KALRN: variants seen among roughly 807,000 people sequenced by gnomAD.
KALRN encodes the protein kalirin RhoGEF kinase.
A neutral mutation model predicts 353.7 loss-of-function variants in KALRN; 70 were observed. That is an observed-to-expected ratio of 0.20 (90% CI 0.16 to 0.24). KALRN has a LOEUF of 0.24. Ranked by LOEUF, KALRN falls within the 10% of genes least tolerant of loss-of-function variation. The pLI, the probability that KALRN is intolerant of heterozygous loss-of-function variation, is 1.00. For synonymous variants in KALRN, 1,391 were observed against 1,434.8 expected (o/e 0.97, Z 0.69); for missense variants, 2,791 against 3,756.7 (o/e 0.74, Z 6.72).
chr3:124,112,307 A>AG, intron 1 of KALRN, among the ~76,000 whole-genome samples: 1 of 150,686 alleles, frequency 6.6e-6, no homozygotes, highest in Middle Eastern at 3.4e-3. Context: ...CATCTCACAA[A>AG]AAAAAAAAAA....
chr3:124,319,970 G>C (rs1560553528), intron 6 of KALRN, among the ~76,000 whole-genome samples: 1 of 151,124 alleles, frequency 6.6e-6, no homozygotes, highest in African/African-American at 2.4e-5. Flanking sequence ...CTCCAGCCTG[G>C]GCAACAGAGT....
chr3:124,674,341 CT>C (rs1292515361), intron 48 of KALRN, 22 bp from the exon 49 acceptor site: 1 of 1,603,376 alleles, frequency 6.2e-7, no homozygotes, highest in Non-Finnish European at 8.5e-7. Flanking sequence ...GTTTGTGCCC[CT>C]CTCACCCTTA....
intron 17 of KALRN, among the ~76,000 whole-genome samples, chr3:124,435,320 A>G (rs1244669951): frequency 3.3e-5 from 5 of 152,212 alleles, no homozygotes; most frequent in Non-Finnish European, 7.3e-5. Flanking sequence ...TTAGGGAACT[A>G]GAAACACACC....
chr3:124,206,615 T>A (rs1204736290), intron 1 of KALRN, among the ~76,000 whole-genome samples: 1 of 152,200 alleles, frequency 6.6e-6, no homozygotes, highest in Non-Finnish European at 1.5e-5. Context: ...TGGGTAGTGT[T>A]GCATGTTGAG....
intron 16 of KALRN, among the ~76,000 whole-genome samples, chr3:124,433,754 G>T (rs959018996): frequency 6.6e-6 from 1 of 152,142 alleles, no homozygotes; most frequent in Non-Finnish European, 1.5e-5. Context: ...GATGTAGGAG[G>T]TTACTCTCTA....
chr3:124,311,160 G>A (rs1219356963), intron 6 of KALRN, among the ~76,000 whole-genome samples: 1 of 137,560 alleles, frequency 7.3e-6, no homozygotes, highest in African/African-American at 2.7e-5. Context: ...CACTAGATTG[G>A]CTATAATCAA....
At chr3:124,265,988 G>A (rs1406288198) in intron 4 of KALRN, among the ~76,000 whole-genome samples, 1 of 152,070 alleles carries the variant, frequency 6.6e-6, no homozygotes, top group East Asian at 1.9e-4. Flanking sequence ...GGTGGCGTGT[G>A]CCTGTAATCC....
intron 3 of KALRN, among the ~76,000 whole-genome samples, chr3:124,235,911 A>T (rs2079698108): frequency 6.6e-6 from 1 of 152,218 alleles, no homozygotes; most frequent in Admixed American, 6.5e-5. Flanking sequence ...AAGACCTGGG[A>T]TAATTTTTGA....
At chr3:124,127,323 C>T (rs2064802781) in intron 1 of KALRN, among the ~76,000 whole-genome samples, 1 of 152,154 alleles carries the variant, frequency 6.6e-6, no homozygotes, top group Non-Finnish European at 1.5e-5. Flanking sequence ...ATCTCTGGAC[C>T]TTAAAGTGTC....
At chr3:124,053,866 C>T (rs1225939507) in intron 1 of KALRN, among the ~76,000 whole-genome samples, 1 of 152,238 alleles carries the variant, frequency 6.6e-6, no homozygotes, top group East Asian at 1.9e-4. Flanking sequence ...TCCATTTCCG[C>T]TTGGCTTGTT....
At chr3:124,131,165 C>T (rs1282597195) in intron 1 of KALRN, among the ~76,000 whole-genome samples, 1 of 152,146 alleles carries the variant, frequency 6.6e-6, no homozygotes, top group African/African-American at 2.4e-5. Flanking sequence ...TTGCCACAGA[C>T]CCCAGTGTCT....
chr3:124,270,718 A>G (rs1014664546), intron 5 of KALRN, among the ~76,000 whole-genome samples: 1 of 152,112 alleles, frequency 6.6e-6, no homozygotes, highest in East Asian at 1.9e-4. Flanking sequence ...TGCATTGCTC[A>G]CCGAGTGATT....
At chr3:124,540,731 T>G (rs2068945935) in intron 33 of KALRN, among the ~76,000 whole-genome samples, 1 of 152,212 alleles carries the variant, frequency 6.6e-6, no homozygotes, top group Non-Finnish European at 1.5e-5. Context: ...ATCATGGTGC[T>G]GTGAAGGTCA....
At chr3:124,699,569 G>A (rs2062219243) in intron 55 of KALRN, among the ~76,000 whole-genome samples, 1 of 152,094 alleles carries the variant, frequency 6.6e-6, no homozygotes, top group Non-Finnish European at 1.5e-5. Flanking sequence ...TTAAAAGTTT[G>A]CCATGTGTCC....
chr3:124,206,776 G>A (rs900935838), intron 1 of KALRN, among the ~76,000 whole-genome samples: 2 of 152,170 alleles, frequency 1.3e-5, no homozygotes, highest in Non-Finnish European at 2.9e-5. Flanking sequence ...AATAATATTT[G>A]CTGTTGTGTT....
Position 124,637,195 on chromosome 3 carries a change from C to T in KALRN, c.5569-13C>T, listed in dbSNP as rs114842721. ...GCTAATCTGCTTTTCCTCTGCTGCCCGATGTCTTGCAGTCCTCCTCTTTGC... is the reference window on the plus strand; with the variant it reads ...GCTAATCTGCTTTTCCTCTGCTGCCTGATGTCTTGCAGTCCTCCTCTTTGC... On this transcript the variant is annotated splice_polypyrimidine_tract_variant and intron_variant, in intron 36 of 59. Coordinates refer to ENST00000682506, the MANE Select transcript of KALRN (RefSeq NM_001388419.1). 334 of 1,602,086 alleles carry T rather than the reference C, an allele frequency of 2.1e-4. 1 individual carries two copies. In the African/African-American group the frequency reaches 2.1e-3, roughly 10 times the overall value.
chr3:124,646,391 C>CTTTTTTTTTTTTTTTTTTTTTTTTTTTT lies in KALRN; in HGVS notation c.5665-4400_5665-4399insTTTTTTTTTTTTTTTTTTTTTTTTTTTT, dbSNP rs10673161. ...GACTGCTAGAGGGATCTTTTGTTTA[C>CTTTTTTTTTTTTTTTTTTTTTTTTTTTT]TTTTTTTTTTTTTTTTTGAGACAGA... On this transcript the variant is annotated intron_variant, in intron 37 of 59. Transcript: ENST00000682506. Among the ~76,000 whole-genome samples, 82 of 110,448 alleles carry CTTTTTTTTTTTTTTTTTTTTTTTTTTTT rather than the reference C, an allele frequency of 7.4e-4. 9 individuals are homozygous for CTTTTTTTTTTTTTTTTTTTTTTTTTTTT. Among genetic ancestry groups the CTTTTTTTTTTTTTTTTTTTTTTTTTTTT allele is most frequent in the East Asian group, 4.5e-3 (13 of 2,874 alleles). The allele number at this position is 110,448 out of a possible 152,430, so 72.5% of individuals were successfully genotyped here.
At chr3:124,163,560 A>T (rs539844912) in intron 1 of KALRN, 2 of 982,646 alleles carry the variant, frequency 2.0e-6, no homozygotes, top group South Asian at 4.7e-5. Context: ...TGTCAGTGAC[A>T]TGAAAATACA....
At chr3:124,115,879 T>C (rs747212967) in intron 1 of KALRN, among the ~76,000 whole-genome samples, 1 of 152,210 alleles carries the variant, frequency 6.6e-6, no homozygotes, top group Non-Finnish European at 1.5e-5. Flanking sequence ...AGACCCTGGT[T>C]CCAGGAACAT....
Sources: gnomAD v4.1 joint callset for allele counts (sites outside exome capture counted in the v4.1 genomes callset) on GRCh38, gnomAD v4.1.1 for gene constraint, MANE v1.5 for transcripts, NCBI Gene and HGNC (gene_info 2026-07-23, HGNC 2026-07-21) for gene names.